The following SLC24A2 variants were observed in gnomAD, a reference collection of about 807,000 sequenced individuals.
SLC24A2 encodes solute carrier family 24 member 2.
Under a neutral mutation model 62.0 loss-of-function variants are expected in SLC24A2, and 36 were observed. The observed-to-expected ratio is 0.58, with a 90% CI of 0.44 to 0.77. SLC24A2 has a LOEUF of 0.77. Among genes scored for constraint, SLC24A2 ranks in the 30% least tolerant of loss-of-function variants. SLC24A2 has a pLI of 0.00. For missense variants in SLC24A2, 846 were observed against 817.9 expected (o/e 1.03, Z -0.42); for synonymous variants, 358 against 294.0 (o/e 1.22, Z -2.23).
chr9:20,143,861 C>G, the SLC24A2 span, among the ~76,000 whole-genome samples: 1 of 152,288 alleles, frequency 6.6e-6, no homozygotes, highest in Admixed American at 6.5e-5. Context: ...ACATATGACT[C>G]TAATATTTTG....
At chr9:20,120,152 G>A in the SLC24A2 span, among the ~76,000 whole-genome samples, 2 of 152,048 alleles carry the variant, frequency 1.3e-5, no homozygotes, top group Non-Finnish European at 1.5e-5. Context: ...TTTCTCATCT[G>A]TGGCTTGCCT....
At chr9:20,027,575 T>C in the SLC24A2 span, among the ~76,000 whole-genome samples, 81,115 of 151,926 alleles carry the variant, frequency 0.53, 21,815 homozygotes, top group Middle Eastern at 0.63. Context: ...TGCATGATCT[T>C]CCTCATGTGA....
At chr9:20,100,564 G>A in the SLC24A2 span, among the ~76,000 whole-genome samples, 1 of 152,190 alleles carries the variant, frequency 6.6e-6, no homozygotes, top group Non-Finnish European at 1.5e-5. Flanking sequence ...GAAGATGGAA[G>A]GCTTTCATCA....
At chr9:19,900,451 T>G in the SLC24A2 span, among the ~76,000 whole-genome samples, 155 of 152,336 alleles carry the variant, frequency 1.0e-3, 1 homozygote, top group African/African-American at 3.5e-3. Flanking sequence ...CTATTATTGG[T>G]GGACTCCATT....
At chr9:19,934,206 G>A in the SLC24A2 span, among the ~76,000 whole-genome samples, 1 of 152,174 alleles carries the variant, frequency 6.6e-6, no homozygotes, top group Non-Finnish European at 1.5e-5. The surrounding 1 kb of genome is among the most constrained non-coding windows in gnomAD (Gnocchi z 4.1). Flanking sequence ...CCTACAGCCT[G>A]GCTCTCTGAG....
chr9:19,794,266 C>T, the SLC24A2 span, among the ~76,000 whole-genome samples: 3 of 151,854 alleles, frequency 2.0e-5, no homozygotes, highest in Admixed American at 6.6e-5. Context: ...TGAAATTAAG[C>T]TTCTCTTTGC....
chr9:20,159,353 A>T, the SLC24A2 span, among the ~76,000 whole-genome samples: 2 of 151,624 alleles, frequency 1.3e-5, no homozygotes, highest in African/African-American at 2.4e-5. Flanking sequence ...CTATCTCTTT[A>T]TATGCTATGG....
the SLC24A2 span, among the ~76,000 whole-genome samples, chr9:19,919,450 C>G: frequency 6.6e-6 from 1 of 152,022 alleles, no homozygotes; most frequent in Non-Finnish European, 1.5e-5. Flanking sequence ...TTAAAGAGAG[C>G]AAGAAAAATA....
chr9:19,798,979 CTCATTT>C, the SLC24A2 span, among the ~76,000 whole-genome samples: 1 of 151,704 alleles, frequency 6.6e-6, no homozygotes, highest in Non-Finnish European at 1.5e-5. Flanking sequence ...AATCTCCTCC[CTCATTT>C]TCATCTTCTT....
intron 2 of SLC24A2, among the ~76,000 whole-genome samples, chr9:19,760,848 G>A (rs1267417321): frequency 6.8e-6 from 1 of 148,114 alleles, no homozygotes; most frequent in Non-Finnish European, 1.5e-5. Context: ...TCACTCATAG[G>A]TGGAAATTGA....
the SLC24A2 span, among the ~76,000 whole-genome samples, chr9:20,092,130 A>G: frequency 6.6e-6 from 1 of 152,208 alleles, no homozygotes. Context: ...TCAGAAAAAA[A>G]TAACTATTGG....
At chr9:19,521,964 A>G (rs1833226686) in intron 9 of SLC24A2, among the ~76,000 whole-genome samples, 1 of 150,098 alleles carries the variant, frequency 6.7e-6, no homozygotes. Flanking sequence ...AAGCTCCTCC[A>G]TTCTCTTGAG....
intron 2 of SLC24A2, among the ~76,000 whole-genome samples, chr9:19,704,600 C>G (rs1820455256): frequency 1.3e-5 from 2 of 151,958 alleles, no homozygotes; most frequent in African/African-American, 4.8e-5. Context: ...TTACTGAGTT[C>G]TTTCTGGAAA....
chr9:19,736,863 T>C (rs1342989956), intron 2 of SLC24A2, among the ~76,000 whole-genome samples: 3 of 151,916 alleles, frequency 2.0e-5, no homozygotes, highest in African/African-American at 7.3e-5. Context: ...AAAGAAATAA[T>C]CTTATACCAT....
the SLC24A2 span, among the ~76,000 whole-genome samples, chr9:20,177,927 A>T: frequency 4.6e-5 from 7 of 152,084 alleles, no homozygotes; most frequent in Non-Finnish European, 1.0e-4. Context: ...CAGTAAGTGG[A>T]GAGCCAAGAT....
the SLC24A2 span, among the ~76,000 whole-genome samples, chr9:19,930,815 T>C: frequency 6.6e-6 from 1 of 152,214 alleles, no homozygotes; most frequent in African/African-American, 2.4e-5. Context: ...ATTGTCCACA[T>C]TCAGATAGCT....
At chr9:19,785,133 G>C (rs948158764) in intron 2 of SLC24A2, among the ~76,000 whole-genome samples, 1 of 152,114 alleles carries the variant, frequency 6.6e-6, no homozygotes, top group Non-Finnish European at 1.5e-5. Context: ...GATGCCATTT[G>C]TCCACTATTT....
the SLC24A2 span, among the ~76,000 whole-genome samples, chr9:20,302,486 TG>T: frequency 6.6e-6 from 1 of 152,340 alleles, no homozygotes; most frequent in African/African-American, 2.4e-5. Context: ...GACAGTGATG[TG>T]GAACTTCTTT....
chr9:19,967,559 C>G, the SLC24A2 span: 1 of 152,190 alleles, frequency 6.6e-6, no homozygotes, highest in Non-Finnish European at 1.5e-5. Flanking sequence ...ATGCAATTTA[C>G]GTTTAGTTCT....
Sources: allele counts gnomAD v4.1 joint callset (sites outside exome capture counted in the v4.1 genomes callset), GRCh38; gene constraint gnomAD v4.1.1; non-coding constraint Gnocchi (gnomAD v3.1); transcripts MANE v1.5; gene names NCBI Gene and HGNC (gene_info 2026-07-23, HGNC 2026-07-21).